Variants in NR2F1-AS1 observed in about 807,000 individuals in gnomAD.
NR2F1-AS1 encodes NR2F1 antisense RNA 1.
rs1423092452 is a variant in NR2F1-AS1, at chr5:93,481,962, C to A, written n.638+71799G>T. On this transcript the variant is annotated intron_variant and non_coding_transcript_variant, in intron 4 of 5. Transcript: ENST00000660523. The stretch of plus-strand genomic sequence containing the variant: ...AAACACCTATATTTTTAATAAATCT[C>A]AAATTAACAACCTAATTTTACACCT... Among the ~76,000 whole-genome samples, 6 of 152,062 alleles carry A rather than the reference C, an allele frequency of 3.9e-5. No homozygotes were observed. In the East Asian group the frequency reaches 1.2e-3, roughly 29 times the overall value.
chr5:93,539,045 G>C (rs962181485), intron 4 of NR2F1-AS1, among the ~76,000 whole-genome samples: 1 of 152,208 alleles, frequency 6.6e-6, no homozygotes, highest in Non-Finnish European at 1.5e-5. Flanking sequence ...TTGGGAGGCC[G>C]AGGCAGGCGG....
intron 4 of NR2F1-AS1, among the ~76,000 whole-genome samples, chr5:93,453,338 T>A (rs141532885): frequency 2.0e-5 from 3 of 151,846 alleles, no homozygotes; most frequent in Admixed American, 1.3e-4. Flanking sequence ...GACTAATATA[T>A]ATGTAACTGG....
At chr5:93,480,103 A>G (rs1750569968) in intron 4 of NR2F1-AS1, among the ~76,000 whole-genome samples, 1 of 152,116 alleles carries the variant, frequency 6.6e-6, no homozygotes, top group African/African-American at 2.4e-5. Flanking sequence ...AGAGAAATGA[A>G]GAAACATTAT....
At chr5:93,488,524 C>A (rs535867630) in intron 4 of NR2F1-AS1, among the ~76,000 whole-genome samples, 18 of 152,134 alleles carry the variant, frequency 1.2e-4, no homozygotes, top group Non-Finnish European at 1.6e-4. Context: ...TAGAGAAATG[C>A]AAATCAAAAC....
chr5:93,582,537 A>G (rs1224969973), upstream of NR2F1-AS1, among the ~76,000 whole-genome samples: 1 of 152,238 alleles, frequency 6.6e-6, no homozygotes, highest in Non-Finnish European at 1.5e-5. Flanking sequence ...CTTATATGTG[A>G]GAGAAGAAAA....
At chr5:93,561,245 G>T (rs954992033) in intron 2 of NR2F1-AS1, among the ~76,000 whole-genome samples, 1 of 144,670 alleles carries the variant, frequency 6.9e-6, no homozygotes, top group Non-Finnish European at 1.5e-5. Context: ...CAACAAGAAC[G>T]AAACTCCATC....
At chr5:93,572,587 A>C (rs961569381) in intron 1 of NR2F1-AS1, among the ~76,000 whole-genome samples, 35 of 152,238 alleles carry the variant, frequency 2.3e-4, no homozygotes, top group African/African-American at 8.2e-4. Context: ...CTGGTGCCCC[A>C]GCCCTGCGAG....
rs139477503 is a variant in NR2F1-AS1 at position 93,438,121 on chromosome 5, C to T, written n.639-42579G>A. On this transcript the variant is annotated intron_variant and non_coding_transcript_variant, in intron 4 of 5. Transcript: ENST00000660523. Reference sequence around the variant, plus strand: ...TAAGATTGGGAGGACACAGGTCCACCGTGTACACAGCATCTGTCTGGGCCT... The same window carrying T: ...TAAGATTGGGAGGACACAGGTCCACTGTGTACACAGCATCTGTCTGGGCCT... Among the ~76,000 whole-genome samples, 33 of 152,218 alleles carry T rather than the reference C, an allele frequency of 2.2e-4. No homozygotes were observed. In the Middle Eastern group the frequency reaches 0.014, roughly 63 times the overall value.
At chr5:93,566,534 C>T (rs752054977) in intron 1 of NR2F1-AS1, among the ~76,000 whole-genome samples, 15 of 152,102 alleles carry the variant, frequency 9.9e-5, no homozygotes, top group Non-Finnish European at 1.6e-4. Context: ...ATATGCAAAA[C>T]GCTACCACTG....
chr5:93,502,032 G>A (rs1751090588), intron 4 of NR2F1-AS1, among the ~76,000 whole-genome samples: 1 of 152,128 alleles, frequency 6.6e-6, no homozygotes, highest in South Asian at 2.1e-4. Flanking sequence ...ACTCACTGAA[G>A]GCTCAGATGA....
intron 4 of NR2F1-AS1, among the ~76,000 whole-genome samples, chr5:93,457,788 C>G (rs1313980911): frequency 6.6e-6 from 1 of 151,908 alleles, no homozygotes; most frequent in African/African-American, 2.4e-5. Flanking sequence ...TTAATTGTGC[C>G]CAAGTCGGTG....
chr5:93,542,909 C>T (rs1313769084), intron 4 of NR2F1-AS1: 2 of 152,424 alleles, frequency 1.3e-5, no homozygotes, highest in East Asian at 3.9e-4. Flanking sequence ...CCTCATTTCC[C>T]ACCCACCCCA....
At chr5:93,540,808 G>T (rs1331137388) in intron 4 of NR2F1-AS1, among the ~76,000 whole-genome samples, 1 of 152,032 alleles carries the variant, frequency 6.6e-6, no homozygotes, top group Non-Finnish European at 1.5e-5. Flanking sequence ...ATAAAATTGT[G>T]GTACAGCTGA....
At chr5:93,496,070 A>C (rs1026136716) in intron 4 of NR2F1-AS1, 1 of 152,202 alleles carries the variant, frequency 6.6e-6, no homozygotes, top group African/African-American at 2.4e-5. Flanking sequence ...TCCAAGACTT[A>C]GTATCTATTC....
intron 4 of NR2F1-AS1, among the ~76,000 whole-genome samples, chr5:93,523,989 C>T (rs1192623389): frequency 1.3e-5 from 2 of 152,028 alleles, no homozygotes; most frequent in Non-Finnish European, 2.9e-5. Context: ...GGGAACAAAA[C>T]TGGACAGAGA....
intron 2 of NR2F1-AS1, among the ~76,000 whole-genome samples, chr5:93,559,075 A>G (rs1268493478): frequency 1.3e-5 from 2 of 152,204 alleles, no homozygotes; most frequent in African/African-American, 4.8e-5. Flanking sequence ...TCTAGCTATG[A>G]AAGTCCTAGA....
intron 4 of NR2F1-AS1, chr5:93,544,918 C>CAAAAAAAAAAA (rs11322318): frequency 1.6e-5 from 1 of 61,788 alleles, no homozygotes; most frequent in Non-Finnish European, 3.7e-5. Flanking sequence ...GATTCCATCT[C>CAAAAAAAAAAA]AAAAAAAAAA....
intron 2 of NR2F1-AS1, among the ~76,000 whole-genome samples, chr5:93,555,172 C>CT (rs1752325824): frequency 6.6e-6 from 1 of 152,166 alleles, no homozygotes; most frequent in Admixed American, 6.6e-5. Flanking sequence ...TAAAGTTCCT[C>CT]TTCATTTTGG....
At chr5:93,446,692 G>A (rs1328572765) in intron 4 of NR2F1-AS1, among the ~76,000 whole-genome samples, 7 of 152,062 alleles carry the variant, frequency 4.6e-5, no homozygotes, top group African/African-American at 7.2e-5. Flanking sequence ...CACAGAATTG[G>A]AAAAAACTAC....
Sources: allele counts gnomAD v4.1 joint callset (sites outside exome capture counted in the v4.1 genomes callset), GRCh38; gene constraint gnomAD v4.1.1; transcripts MANE v1.5; gene names NCBI Gene and HGNC (gene_info 2026-07-23, HGNC 2026-07-21).